PIEZO2: variants seen among roughly 807,000 people sequenced by gnomAD.
PIEZO2 encodes piezo type mechanosensitive ion channel component 2, also known as piezo-type mechanosensitive ion channel component 2.
In PIEZO2, 172 loss-of-function variants were observed where a neutral mutation model predicts 337.3. That is an observed-to-expected ratio of 0.51 (90% CI 0.45 to 0.58). PIEZO2 has a LOEUF of 0.58. Ranked by LOEUF, PIEZO2 falls within the 20% of genes least tolerant of loss-of-function variation. The pLI is 0.00. For synonymous variants in PIEZO2, 1,251 were observed against 1,228.5 expected, an observed-to-expected ratio of 1.02 and a Z score of -0.38; for missense variants, 3,028 against 3,391.3, an observed-to-expected ratio of 0.89 and a Z score of 2.66.
chr18:10,887,907 C>T (rs911405109), intron 4 of PIEZO2, among the ~76,000 whole-genome samples: 4 of 152,224 alleles, frequency 2.6e-5, no homozygotes, highest in Non-Finnish European at 4.4e-5. Flanking sequence ...GCTCATCCCA[C>T]CGTGATCACC....
chr18:11,024,547 GAAA>G (rs569472740), intron 2 of PIEZO2, among the ~76,000 whole-genome samples: 1 of 104,056 alleles, frequency 9.6e-6, no homozygotes. Context: ...CTCTGTCTCA[GAAA>G]AAAAAAAAAA....
chr18:10,814,129 A>G lies in PIEZO2; in HGVS notation c.918-6855T>C, dbSNP rs1235444548. Reference sequence around the variant, plus strand: ...ACTACAGGCGCCCACCACCACGCCCAGCTAATTTTTTGTATTTTTTTAGTA... The same window carrying G: ...ACTACAGGCGCCCACCACCACGCCCGGCTAATTTTTTGTATTTTTTTAGTA... On this transcript the variant is annotated intron_variant, in intron 7 of 55. Coordinates refer to ENST00000674853, the MANE Select transcript of PIEZO2 (RefSeq NM_001378183.1). Among the ~76,000 whole-genome samples the G allele has an allele frequency of 4.0e-5, 6 of 151,858 alleles. No individual in the cohort carries two copies. The East Asian group carries it at 7.8e-4, about 20-fold the overall frequency.
At position 10,903,275 on chromosome 18, in the gene PIEZO2, C is replaced by T. The variant is rs1263299592; in HGVS notation, c.329+7911G>A. Among the ~76,000 whole-genome samples the T allele has an allele frequency of 1.3e-5, 2 of 152,196 alleles. No homozygotes were observed. The highest frequency in any genetic ancestry group is 2.4e-5 in the African/African-American group (1 of 41,444). On this transcript the variant is annotated intron_variant, in intron 4 of 55. Transcript: ENST00000674853. The surrounding 1 kb of genome is among the most constrained non-coding windows in gnomAD (Gnocchi z 4.1). ...CAGCTTCCTAGCTGAACTCCTGGCT[C>T]ATCTGGTCTATATTGCTGCTCGAGT...
chr18:10,775,313 C>T lies in PIEZO2; in HGVS notation c.2535-1275G>A, dbSNP rs1487426819. On this transcript the variant is annotated intron_variant, in intron 18 of 55. Transcript: ENST00000674853. The surrounding 1 kb of genome is among the most constrained non-coding windows in gnomAD (Gnocchi z 4.3). ...CACCAAATCTCAGGGAACACATTTG[C>T]TGTTCCTGCTTTGTCAGGACTCTCC... 6.6e-6 allele frequency among the ~76,000 whole-genome samples: 1 copy of T among 152,192 alleles called. No individual in the cohort carries two copies. The highest frequency in any genetic ancestry group is 1.5e-5 in the Non-Finnish European group (1 of 68,040).
intron 3 of PIEZO2, among the ~76,000 whole-genome samples, chr18:10,931,344 C>T (rs889982109): frequency 2.0e-5 from 3 of 152,100 alleles, no homozygotes; most frequent in South Asian, 2.1e-4. Flanking sequence ...GGACTACAGG[C>T]GCCTGCCACC....
rs1036224645 is a variant in PIEZO2 at position 10,922,334 on chromosome 18, G to A, written c.287-11106C>T. On this transcript the variant is annotated intron_variant, in intron 3 of 55. Transcript: ENST00000674853. ...ATAGAAAAGAACCTATGTGACTGTC[G>A]GGGCAGATTCCCTGATACTTCTCTT... Among the ~76,000 whole-genome samples the A allele has an allele frequency of 3.5e-4, 53 of 152,060 alleles. 1 individual carries two copies. Among genetic ancestry groups the A allele is most frequent in the African/African-American group, 1.1e-3 (47 of 41,392 alleles).
intron 5 of PIEZO2, among the ~76,000 whole-genome samples, chr18:10,867,970 G>C (rs1472937158): frequency 6.6e-6 from 1 of 152,192 alleles, no homozygotes; most frequent in Non-Finnish European, 1.5e-5. Flanking sequence ...GAAGTTGGCT[G>C]TCAGTAAAAT....
At chr18:10,725,376 G>A (rs2036491572) in intron 36 of PIEZO2, 8 of 1,606,288 alleles carry the variant, frequency 5.0e-6, no homozygotes, top group Non-Finnish European at 6.8e-6. Context: ...GGTGATGATG[G>A]TGGAGAACAG....
chr18:11,067,557 T>G (rs1483126), intron 1 of PIEZO2, among the ~76,000 whole-genome samples: 1 of 151,978 alleles, frequency 6.6e-6, no homozygotes, highest in South Asian at 2.1e-4. Context: ...AGATATTCTA[T>G]GCAAATCAAA....
intron 23 of PIEZO2, among the ~76,000 whole-genome samples, chr18:10,761,864 G>A (rs925403598): frequency 1.3e-5 from 2 of 152,222 alleles, no homozygotes; most frequent in African/African-American, 4.8e-5. Flanking sequence ...AACATGATTA[G>A]GACTGCTCAG....
chr18:11,084,003 C>T (rs1292476734), intron 1 of PIEZO2, among the ~76,000 whole-genome samples: 3 of 151,892 alleles, frequency 2.0e-5, no homozygotes, highest in Admixed American at 2.0e-4. Context: ...ATGGCAAAAC[C>T]CTGTTTCTAC....
At chr18:10,808,119 C>T (rs773448260) in intron 7 of PIEZO2, among the ~76,000 whole-genome samples, 2 of 152,118 alleles carry the variant, frequency 1.3e-5, no homozygotes, top group Non-Finnish European at 2.9e-5. Context: ...AATGGGGTCT[C>T]GCTCTGTCAC....
rs966587392 is a variant in PIEZO2, at chr18:10,953,069, T to C, written c.286+26466A>G. Among the ~76,000 whole-genome samples the C allele has an allele frequency of 2.6e-5, 4 of 152,196 alleles. No individual in the cohort carries two copies. The highest frequency in any genetic ancestry group is 6.6e-5 in the Admixed American group (1 of 15,262). ...TGGTAAAGTGTCTATTCAAAAATTTTGCCCATTAAAAAAAATGAGATGTTT... is the reference window on the plus strand; with the variant it reads ...TGGTAAAGTGTCTATTCAAAAATTTCGCCCATTAAAAAAAATGAGATGTTT... On this transcript the variant is annotated intron_variant, in intron 3 of 55. Coordinates refer to ENST00000674853, the MANE Select transcript of PIEZO2 (RefSeq NM_001378183.1). The surrounding 1 kb of genome is among the most constrained non-coding windows in gnomAD (Gnocchi z 5.2).
At position 11,110,122 on chromosome 18, in the gene PIEZO2, T is replaced by G. The variant is rs2039686964; in HGVS notation, c.64+38403A>C. On this transcript the variant is annotated intron_variant, in intron 1 of 55. Coordinates refer to ENST00000674853, the MANE Select transcript of PIEZO2 (RefSeq NM_001378183.1). This position sits in a 1 kb window ranked among gnomAD's most constrained non-coding sequence, Gnocchi z 4.2. ...CTTGGGAAGTTTCAGCCTTTCCTTT[T>G]CTTTTTAAAATTCTTATTTAAAGAC... 6.6e-6 allele frequency among the ~76,000 whole-genome samples: 1 copy of G among 152,140 alleles called. No individual in the cohort carries two copies. The highest frequency in any genetic ancestry group is 2.4e-5 in the African/African-American group (1 of 41,426).
At chr18:10,757,284 T>C (rs1256697095) in intron 27 of PIEZO2, among the ~76,000 whole-genome samples, 1 of 123,068 alleles carries the variant, frequency 8.1e-6, no homozygotes, top group Non-Finnish European at 1.7e-5. Flanking sequence ...GGAGGATGGA[T>C]GAGGAGTAAG....
At chr18:10,924,734 A>G (rs938338281) in intron 3 of PIEZO2, among the ~76,000 whole-genome samples, 4 of 152,182 alleles carry the variant, frequency 2.6e-5, no homozygotes, top group Non-Finnish European at 4.4e-5. Flanking sequence ...AAGCATTTCA[A>G]TGGAGCATTC....
chr18:10,745,192 G>T (rs2037374781), intron 30 of PIEZO2, among the ~76,000 whole-genome samples: 1 of 152,162 alleles, frequency 6.6e-6, no homozygotes, highest in Non-Finnish European at 1.5e-5. Flanking sequence ...GGTACCCTTT[G>T]TCTGACTAGG....
At chr18:10,684,065 CCTTCCTTCCTTTTTCCTT>C (rs2034400337) in intron 49 of PIEZO2, among the ~76,000 whole-genome samples, 1 of 146,482 alleles carries the variant, frequency 6.8e-6, no homozygotes, top group Non-Finnish European at 1.5e-5. Context: ...TCCCTCCCTT[CCTTCCTTCCTTTTTCCTT>C]CCTTCCTTCC....
chr18:11,111,920 C>T lies in PIEZO2; in HGVS notation c.64+36605G>A, dbSNP rs191357293. Among the ~76,000 whole-genome samples the T allele has an allele frequency of 6.6e-6, 1 of 152,278 alleles. No individual in the cohort carries two copies. Among genetic ancestry groups the T allele is most frequent in the East Asian group, 1.9e-4 (1 of 5,186 alleles). ...TCTCTTTTAAGATAAAACACAAGAT[C>T]TCAAAGAAACGATCTTCTGCAGGCC... On this transcript the variant is annotated intron_variant, in intron 1 of 55. Transcript: ENST00000674853. This position sits in a 1 kb window ranked among gnomAD's most constrained non-coding sequence, Gnocchi z 6.2.
Sources: allele counts gnomAD v4.1 joint callset (sites outside exome capture counted in the v4.1 genomes callset), GRCh38; gene constraint gnomAD v4.1.1; non-coding constraint Gnocchi (gnomAD v3.1); transcripts MANE v1.5; gene names NCBI Gene and HGNC (gene_info 2026-07-23, HGNC 2026-07-21).